H2AZ2: variants seen among roughly 807,000 people sequenced by gnomAD.
H2AZ2 encodes the protein histone H2A.V.
A neutral mutation model predicts 15.5 loss-of-function variants in H2AZ2; 5 were observed. The observed-to-expected ratio is 0.32, with a 90% CI of 0.17 to 0.68. The LOEUF (loss-of-function observed/expected upper bound fraction) is 0.68. Ranked by LOEUF, H2AZ2 falls within the 30% of genes least tolerant of loss-of-function variation. The probability of loss-of-function intolerance (pLI) is 0.72; values close to 1 mark genes in which losing one functional copy is unlikely to be tolerated. For missense variants in H2AZ2, 42 were observed against 162.5 expected, an observed-to-expected ratio of 0.26 and a Z score of 4.03; for synonymous variants, 44 against 57.4, an observed-to-expected ratio of 0.77 and a Z score of 1.05.
chr7:44,844,632 G>A (rs1240921826), intron 1 of H2AZ2, among the ~76,000 whole-genome samples: 6 of 152,206 alleles, frequency 3.9e-5, no homozygotes, highest in African/African-American at 1.4e-4. Context: ...GGGATTACAG[G>A]CGTGAGCCAC....
In H2AZ2 at chr7:44,833,235, T is replaced by C. The variant is rs1239534131; in HGVS notation, c.*1266A>G. ...TAATTTCTGTATTTTTAGTAGAGAC[T>C]TTTTTTTGTTTGTTTTGAGAGGGAG... On this transcript the variant is annotated 3_prime_UTR_variant, in exon 5 of 5. Coordinates refer to ENST00000308153, the MANE Select transcript of H2AZ2 (RefSeq NM_012412.5). 6.6e-6 allele frequency among the ~76,000 whole-genome samples: 1 copy of C among 151,604 alleles called. No homozygotes were observed. Among genetic ancestry groups the C allele is most frequent in the Non-Finnish European group, 1.5e-5 (1 of 67,864 alleles).
In H2AZ2 at chr7:44,840,996, A is replaced by G; in HGVS notation, c.98T>C (p.Ile33Thr). ...GGTGCGAGTCTTCAAGTGTCTGTGG[A>G]TGCGGCCCACAGGAAACTAAAAGAG... is the stretch of plus-strand genomic sequence containing the variant. Reference protein sequence around the residue: ...RAGLQFPVGRIHRHLKTRTTS... With the variant: ...RAGLQFPVGRTHRHLKTRTTS... The change falls in exon 3 of 5, where the codon ATC becomes ACC. Residue 33 changes from isoleucine to threonine, a missense_variant. Physicochemically the swap from Ile to Thr is moderately conservative, Grantham distance 89 (BLOSUM62 -1). Coordinates refer to ENST00000308153, the MANE Select transcript of H2AZ2 (RefSeq NM_012412.5). 2 of 1,613,892 alleles carry G rather than the reference A, an allele frequency of 1.2e-6. No homozygotes were observed. The highest frequency in any genetic ancestry group is 1.7e-6 in the Non-Finnish European group (2 of 1,179,816).
chr7:44,837,971 CT>C (rs913213644), intron 3 of H2AZ2, among the ~76,000 whole-genome samples: 6 of 150,508 alleles, frequency 4.0e-5, no homozygotes, highest in African/African-American at 1.2e-4. Context: ...GCTGAAATTT[CT>C]TTTTTTTTCT....
chr7:44,846,696 C>G (rs1238643302), intron 1 of H2AZ2, among the ~76,000 whole-genome samples: 1 of 147,634 alleles, frequency 6.8e-6, no homozygotes, highest in African/African-American at 2.5e-5. Context: ...TCATGAAAAT[C>G]ATCTGTTTGA....
chr7:44,830,289 A>G (rs113382540), downstream of H2AZ2: 2 of 892,092 alleles, frequency 2.2e-6, no homozygotes, highest in Non-Finnish European at 3.4e-6. Context: ...ATAGGTGGTG[A>G]GTATAAGAAT....
In H2AZ2 at chr7:44,835,583, T is replaced by C. The variant is rs1324869868; in HGVS notation, c.271A>G (p.Ile91Val). The change falls in exon 4 of 5, where the codon ATC (isoleucine) becomes GTC (valine). Residue 91 changes from isoleucine to valine, a missense_variant. Ile to Val is a conservative substitution (Grantham distance 29). Coordinates refer to ENST00000308153, the MANE Select transcript of H2AZ2 (RefSeq NM_012412.5). The stretch of plus-strand genomic sequence containing the variant: ...GAATCCAACTCTTCATCACCACGGA[T>C]TGCAAGCTGCAAGTGACGCGGAGTG... ...RITPRHLQLA[I>V]RGDEELDSLI... 1 of 1,613,964 alleles carries C rather than the reference T, an allele frequency of 6.2e-7. No individual in the cohort carries two copies. Among genetic ancestry groups the C allele is most frequent in the Middle Eastern group, 1.7e-4 (1 of 6,056 alleles).
At chr7:44,829,149 T>A (rs986484852), downstream of H2AZ2, 2 of 152,220 alleles carry the variant, frequency 1.3e-5, no homozygotes, top group Admixed American at 6.6e-5. Flanking sequence ...CACCCCCTCC[T>A]GGAACCTCTC....
chr7:44,836,762 C>T (rs932456880), intron 3 of H2AZ2, among the ~76,000 whole-genome samples: 6 of 151,826 alleles, frequency 4.0e-5, no homozygotes, highest in African/African-American at 1.2e-4. Flanking sequence ...TTTGGGAGGC[C>T]GAGAGGGGTG....
chr7:44,834,193 C>G lies in H2AZ2; in HGVS notation c.*308G>C. 9.3e-7 allele frequency: 1 copy of G among 1,078,742 alleles called. No individual in the cohort carries two copies. Among genetic ancestry groups the G allele is most frequent in the South Asian group, 4.1e-5 (1 of 24,546 alleles). 66.8% of individuals were successfully genotyped at this position (1,078,742 alleles called of 1,614,324 possible). ...TATTTAAAGTCTGAGTAAAATATTT[C>G]TAATACATCATGAACAGAACAGTTT... On this transcript the variant is annotated 3_prime_UTR_variant, in exon 5 of 5. Coordinates refer to ENST00000308153, the MANE Select transcript of H2AZ2 (RefSeq NM_012412.5).
intron 3 of H2AZ2, 86 bp from the exon 4 acceptor site, chr7:44,835,744 C>G: frequency 8.5e-7 from 1 of 1,173,920 alleles, no homozygotes; most frequent in East Asian, 2.4e-5. Flanking sequence ...ATACAAAATG[C>G]ACACACAATA....
rs151307048 is a variant in H2AZ2, at chr7:44,832,813, G to C, written c.*1688C>G. Among the ~76,000 whole-genome samples the C allele has an allele frequency of 3.4e-3, 522 of 152,180 alleles. 4 individuals carry two copies. The highest frequency in any genetic ancestry group is 0.012 in the African/African-American group (493 of 41,538). ...TAAATAAAAAAAATTAGCCAGGTATGGTGGCATGTGCCTGTGGTCCCAGCT... is the reference window on the plus strand; with the variant it reads ...TAAATAAAAAAAATTAGCCAGGTATCGTGGCATGTGCCTGTGGTCCCAGCT... On this transcript the variant is annotated 3_prime_UTR_variant, in exon 5 of 5. Coordinates refer to ENST00000308153, the MANE Select transcript of H2AZ2 (RefSeq NM_012412.5).
At chr7:44,847,871 C>G (rs1793453487) in intron 1 of H2AZ2, 98 bp downstream of exon 1, 1 of 1,504,192 alleles carries the variant, frequency 6.6e-7, no homozygotes, top group African/African-American at 1.4e-5. Flanking sequence ...CCCAGACACC[C>G]GCAAACTCCC....
chr7:44,835,470 T>A, intron 4 of H2AZ2, 59 bp downstream of exon 4: 1 of 1,457,328 alleles, frequency 6.9e-7, no homozygotes. Context: ...ATCATTGATC[T>A]GAACGATATA....
rs1793048077 is a variant in H2AZ2, at chr7:44,833,675, G to T, written c.*826C>A. 5.1e-6 allele frequency: 5 copies of T among 985,382 alleles called. No homozygotes were observed. Among genetic ancestry groups the T allele is most frequent in the Non-Finnish European group, 6.0e-6 (5 of 829,872 alleles). 61.0% of individuals were successfully genotyped at this position (985,382 alleles called of 1,614,324 possible). On this transcript the variant is annotated 3_prime_UTR_variant, in exon 5 of 5. Coordinates refer to ENST00000308153, the MANE Select transcript of H2AZ2 (RefSeq NM_012412.5). Reference sequence around the variant, plus strand: ...CAAAAATTGGGATTTTAAACCAAAAGGAGAAACCTTTGATAAACTGAACAT... The same window carrying T: ...CAAAAATTGGGATTTTAAACCAAAATGAGAAACCTTTGATAAACTGAACAT...
downstream of H2AZ2, chr7:44,830,098 A>G: frequency 6.2e-7 from 1 of 1,604,876 alleles, no homozygotes; most frequent in Non-Finnish European, 8.5e-7. Flanking sequence ...TGTTCCACTA[A>G]ATCAGCAAAA....
chr7:44,843,183 G>GTAATAC (rs965663130), intron 2 of H2AZ2, 94 bp downstream of exon 2: 1 of 214,386 alleles, frequency 4.7e-6, no homozygotes, highest in African/African-American at 3.6e-5. Flanking sequence ...AAAGTCTGTA[G>GTAATAC]TAATACAAGT....
rs1793061846 is a variant in H2AZ2 at position 44,834,197 on chromosome 7, T to C, written c.*304A>G. On this transcript the variant is annotated 3_prime_UTR_variant, in exon 5 of 5. Coordinates refer to ENST00000308153, the MANE Select transcript of H2AZ2 (RefSeq NM_012412.5). ...TAAAGTCTGAGTAAAATATTTCTAA[T>C]ACATCATGAACAGAACAGTTTTGAG... 2.7e-6 allele frequency: 3 copies of C among 1,092,294 alleles called. No homozygotes were observed. Among genetic ancestry groups the C allele is most frequent in the Non-Finnish European group, 3.4e-6 (3 of 892,216 alleles). 67.7% of individuals were successfully genotyped at this position (1,092,294 alleles called of 1,614,324 possible). A position where few individuals can be genotyped will look rare whatever the true frequency, so the allele number is the denominator to read the frequency against.
chr7:44,830,798 G>A (rs1792988535), downstream of H2AZ2, among the ~76,000 whole-genome samples: 1 of 152,258 alleles, frequency 6.6e-6, no homozygotes, highest in South Asian at 2.1e-4. Flanking sequence ...AGGAGTTTGA[G>A]ACCAGCCTGG....
At chr7:44,844,193 A>G (rs1486003753) in intron 1 of H2AZ2, among the ~76,000 whole-genome samples, 1 of 152,232 alleles carries the variant, frequency 6.6e-6, no homozygotes, top group African/African-American at 2.4e-5. Context: ...AGAATAGCCA[A>G]AAGGTAGAAA....
Sources: allele counts gnomAD v4.1 joint callset (sites outside exome capture counted in the v4.1 genomes callset), GRCh38; gene constraint gnomAD v4.1.1; transcripts MANE v1.5; gene names NCBI Gene and HGNC (gene_info 2026-07-23, HGNC 2026-07-21).